The following GCNT1 variants were observed in gnomAD, a reference collection of about 807,000 sequenced individuals.
GCNT1 encodes the protein glucosaminyl (N-acetyl) transferase 1, also known as beta-1,3-galactosyl-O-glycosyl-glycoprotein beta-1,6-N-acetylglucosaminyltransferase.
Under a neutral mutation model 26.2 loss-of-function variants are expected in GCNT1, and 16 were observed. The observed-to-expected ratio is 0.61, with a 90% CI of 0.41 to 0.93. The LOEUF (loss-of-function observed/expected upper bound fraction) is 0.93, where lower values mean the gene tolerates loss of function less well. Among genes scored for constraint, GCNT1 ranks in the 40% least tolerant of loss-of-function variants. The pLI is 0.00. For synonymous variants in GCNT1, 183 were observed against 190.8 expected (o/e 0.96, Z 0.34); for missense variants, 477 against 526.7 (o/e 0.91, Z 0.92).
At chr9:76,478,681 C>T (rs1404581927) in intron 2 of GCNT1, among the ~76,000 whole-genome samples, 1 of 152,160 alleles carries the variant, frequency 6.6e-6, no homozygotes, top group Non-Finnish European at 1.5e-5. Context: ...TTTTTAAGAC[C>T]AAATACTGAT....
At chr9:76,394,232 C>T in the GCNT1 span, 11 of 1,509,458 alleles carry the variant, frequency 7.3e-6, no homozygotes, top group Non-Finnish European at 8.9e-6. Context: ...GAGCCGCCGT[C>T]GACGCGGCGC....
At chr9:76,435,542 T>C (rs1823396527) in intron 1 of GCNT1, among the ~76,000 whole-genome samples, 1 of 152,136 alleles carries the variant, frequency 6.6e-6, no homozygotes, top group Non-Finnish European at 1.5e-5. Flanking sequence ...GCAAGTTTGG[T>C]TTCTGGTGAG....
At chr9:76,393,987 C>T in the GCNT1 span, 1 of 1,080,626 alleles carries the variant, frequency 9.3e-7, no homozygotes, top group Non-Finnish European at 1.3e-6. Context: ...GCTCTCTGCC[C>T]GCGGTCCGGA....
chr9:76,456,033 G>A (rs1042978975), upstream of GCNT1, among the ~76,000 whole-genome samples: 2 of 152,310 alleles, frequency 1.3e-5, no homozygotes, highest in Non-Finnish European at 1.5e-5. Context: ...ATAATATTAG[G>A]AGAGTTGGGT....
chr9:76,439,461 G>A (rs1289321703), upstream of GCNT1, among the ~76,000 whole-genome samples: 3 of 152,134 alleles, frequency 2.0e-5, no homozygotes, highest in East Asian at 5.8e-4. Context: ...CTGACCTCAG[G>A]TGATCTGCCC....
intron 2 of GCNT1, among the ~76,000 whole-genome samples, chr9:76,494,121 T>C (rs1418813437): frequency 6.6e-6 from 1 of 151,612 alleles, no homozygotes; most frequent in African/African-American, 2.4e-5. Flanking sequence ...CTGATTGGAA[T>C]AGTTGCACTC....
upstream of GCNT1, among the ~76,000 whole-genome samples, chr9:76,441,169 G>A (rs139819483): frequency 1.8e-3 from 279 of 151,892 alleles, no homozygotes; most frequent in African/African-American, 6.4e-3. Context: ...TGTTTGAGAC[G>A]AAGTCTTGCT....
upstream of GCNT1, among the ~76,000 whole-genome samples, chr9:76,419,579 G>A (rs904177348): frequency 6.6e-6 from 1 of 152,030 alleles, no homozygotes; most frequent in Admixed American, 6.6e-5. Context: ...GATCCCTTGA[G>A]CCCAAGATGT....
chr9:76,445,434 C>T (rs1056443353), intron 1 of GCNT1, among the ~76,000 whole-genome samples: 1 of 152,072 alleles, frequency 6.6e-6, no homozygotes, highest in East Asian at 1.9e-4. Context: ...TTCACCCAGG[C>T]TGGAGTGCAG....
intron 1 of GCNT1, chr9:76,420,660 G>A (rs1823177561): frequency 6.6e-6 from 1 of 152,268 alleles, no homozygotes; most frequent in African/African-American, 2.4e-5. Context: ...ATGGCTGAGT[G>A]TGGTGGCTCA....
intron 2 of GCNT1, among the ~76,000 whole-genome samples, chr9:76,490,107 A>T (rs1824691491): frequency 6.6e-6 from 1 of 152,210 alleles, no homozygotes; most frequent in African/African-American, 2.4e-5. Context: ...AGGTTGGTAT[A>T]AGAGTTTGAA....
At chr9:76,487,098 G>A (rs1181528179) in intron 2 of GCNT1, among the ~76,000 whole-genome samples, 1 of 152,146 alleles carries the variant, frequency 6.6e-6, no homozygotes, top group Non-Finnish European at 1.5e-5. Flanking sequence ...CCTCCAAGCA[G>A]GGCAAGGTTG....
chr9:76,443,749 T>C (rs1050767267), intron 1 of GCNT1, among the ~76,000 whole-genome samples: 1 of 151,994 alleles, frequency 6.6e-6, no homozygotes, highest in Non-Finnish European at 1.5e-5. Flanking sequence ...GGTGTGGTGG[T>C]GCATGCCTAT....
At chr9:76,492,344 G>A (rs770851135) in intron 2 of GCNT1, among the ~76,000 whole-genome samples, 3 of 152,094 alleles carry the variant, frequency 2.0e-5, no homozygotes, top group Non-Finnish European at 1.5e-5. Flanking sequence ...AACAAGAAAG[G>A]CATGTGGAAA....
At chr9:76,477,760 C>T (rs527536690) in intron 2 of GCNT1, among the ~76,000 whole-genome samples, 49 of 152,304 alleles carry the variant, frequency 3.2e-4, no homozygotes, top group Admixed American at 2.7e-3. Flanking sequence ...CAAACAGAAA[C>T]TGTACTCATG....
intron 2 of GCNT1, among the ~76,000 whole-genome samples, chr9:76,498,353 G>A (rs1359652563): frequency 6.6e-6 from 1 of 152,102 alleles, no homozygotes; most frequent in Non-Finnish European, 1.5e-5. Context: ...GGAATAGCTA[G>A]GTCATATGGT....
upstream of GCNT1, among the ~76,000 whole-genome samples, chr9:76,438,547 T>C (rs150206673): frequency 2.5e-3 from 375 of 152,292 alleles, 1 homozygote; most frequent in African/African-American, 8.7e-3. Flanking sequence ...CATCATGACT[T>C]GAATTAGTTT....
At chr9:76,494,889 C>T (rs1398657280) in intron 2 of GCNT1, among the ~76,000 whole-genome samples, 1 of 152,168 alleles carries the variant, frequency 6.6e-6, no homozygotes, top group African/African-American at 2.4e-5. Flanking sequence ...GCTTTCCTCT[C>T]TGTCAACCCT....
upstream of GCNT1, among the ~76,000 whole-genome samples, chr9:76,440,123 A>G (rs919837489): frequency 2.0e-5 from 3 of 151,964 alleles, no homozygotes; most frequent in African/African-American, 7.2e-5. Flanking sequence ...AAAAAAAGAA[A>G]AAATGAATAA....
Sources: allele counts gnomAD v4.1 joint callset (sites outside exome capture counted in the v4.1 genomes callset), GRCh38; gene constraint gnomAD v4.1.1; transcripts MANE v1.5; gene names NCBI Gene and HGNC (gene_info 2026-07-23, HGNC 2026-07-21).